The following BRWD3 variants were observed in gnomAD, a reference collection of about 807,000 sequenced individuals.
The protein encoded by BRWD3 is bromodomain and WD repeat domain containing 3, also known as bromodomain and WD repeat-containing protein 3.
BRWD3 carries 10 observed loss-of-function variants against 149.7 expected under a neutral mutation model. That is an observed-to-expected ratio of 0.07 (90% CI 0.04 to 0.11). The LOEUF is 0.11. Ranked by LOEUF, BRWD3 falls within the 10% of genes least tolerant of loss-of-function variation. The pLI, the probability that BRWD3 is intolerant of heterozygous loss-of-function variation, is 1.00. For missense variants in BRWD3, 940 were observed against 1,373.2 expected, an observed-to-expected ratio of 0.68 and a Z score of 4.99; for synonymous variants, 504 against 456.7, an observed-to-expected ratio of 1.10 and a Z score of -1.32.
chrX:80,710,000 G>C, intron 20 of BRWD3: 2 of 1,143,928 alleles, frequency 1.7e-6, no homozygotes, highest in Non-Finnish European at 2.4e-6. Flanking sequence ...AATGGAAGCT[G>C]TTAAACAAGG....
chrX:80,745,805 T>A (rs2073584846), intron 6 of BRWD3, 76 bp from the exon 7 acceptor site: 1 of 962,048 alleles, frequency 1.0e-6, no homozygotes, highest in African/African-American at 1.9e-5. Flanking sequence ...AATATTAAGA[T>A]GAGACAAAAC....
intron 24 of BRWD3, among the ~76,000 whole-genome samples, chrX:80,701,050 C>T (rs28417201): frequency 0.27 from 29,400 of 109,409 alleles, 2,911 homozygotes; most frequent in South Asian, 0.62. Flanking sequence ...TCTACACATT[C>T]CATATAAACA....
intron 17 of BRWD3, among the ~76,000 whole-genome samples, chrX:80,720,796 A>C (rs1369008689): frequency 8.9e-6 from 1 of 111,816 alleles, no homozygotes; most frequent in Non-Finnish European, 1.9e-5. Context: ...TAAGTGCTTT[A>C]TACAGTCATA....
At chrX:80,723,609 C>G (rs2073181595) in intron 16 of BRWD3, 139 bp downstream of exon 16, 1 of 655,435 alleles carries the variant, frequency 1.5e-6, no homozygotes, top group Non-Finnish European at 2.3e-6. Flanking sequence ...AATTGAGAAC[C>G]TTTACTAAGA....
chrX:80,718,777 A>G (rs1229162313), intron 18 of BRWD3, among the ~76,000 whole-genome samples: 1 of 111,869 alleles, frequency 8.9e-6, no homozygotes, highest in African/African-American at 3.2e-5. Flanking sequence ...TTACAAATAT[A>G]TGAAAAGAAA....
chrX:80,738,313 T>G (rs908454897), intron 8 of BRWD3, among the ~76,000 whole-genome samples: 1 of 111,911 alleles, frequency 8.9e-6, no homozygotes, highest in Non-Finnish European at 1.9e-5. Context: ...AGAATTGTTT[T>G]AAATGAGAAA....
intron 20 of BRWD3, among the ~76,000 whole-genome samples, chrX:80,713,505 G>T (rs1204194600): frequency 1.8e-5 from 2 of 109,256 alleles, no homozygotes; most frequent in African/African-American, 6.7e-5. Context: ...TGCTCCTTAA[G>T]AGTCATCACC....
At chrX:80,778,165 A>T (rs780670624) in intron 6 of BRWD3, among the ~76,000 whole-genome samples, 1 of 111,735 alleles carries the variant, frequency 8.9e-6, no homozygotes, top group East Asian at 2.8e-4. Flanking sequence ...CTTGTTACCA[A>T]GTCTTTGGAA....
At chrX:80,770,086 C>A (rs927954052) in intron 6 of BRWD3, among the ~76,000 whole-genome samples, 2 of 111,434 alleles carry the variant, frequency 1.8e-5, no homozygotes, top group Non-Finnish European at 3.8e-5. Flanking sequence ...CACTAACAGG[C>A]TCTAAAATTG....
chrX:80,762,739 A>G (rs771073013), intron 6 of BRWD3, among the ~76,000 whole-genome samples: 1 of 112,206 alleles, frequency 8.9e-6, no homozygotes, highest in South Asian at 3.7e-4. Flanking sequence ...TATTGAAAAA[A>G]GAACAAGTGG....
intron 6 of BRWD3, among the ~76,000 whole-genome samples, chrX:80,756,804 A>G (rs1467028548): frequency 8.9e-6 from 1 of 111,747 alleles, no homozygotes; most frequent in Non-Finnish European, 1.9e-5. Context: ...CCTTTTCTCT[A>G]AAGTAACAGT....
At chrX:80,759,315 T>G (rs1461710693) in intron 6 of BRWD3, among the ~76,000 whole-genome samples, 1 of 112,224 alleles carries the variant, frequency 8.9e-6, no homozygotes, top group Non-Finnish European at 1.9e-5. Flanking sequence ...TTCTAGAATC[T>G]ATTCTTTTTT....
intron 27 of BRWD3, 140 bp downstream of exon 27, chrX:80,695,768 A>T (rs1375748587): frequency 2.0e-6 from 1 of 503,894 alleles, no homozygotes; most frequent in African/African-American, 2.4e-5. Context: ...CTAAAAGGAA[A>T]TTTTAACTTA....
intron 6 of BRWD3, among the ~76,000 whole-genome samples, chrX:80,775,422 T>A (rs1261441525): frequency 8.9e-6 from 1 of 111,915 alleles, no homozygotes. Context: ...CAGAGTATAT[T>A]GAATAAAATT....
At chrX:80,701,293 A>G (rs1357311927) in intron 24 of BRWD3, among the ~76,000 whole-genome samples, 1 of 110,344 alleles carries the variant, frequency 9.1e-6, no homozygotes, top group Non-Finnish European at 1.9e-5. Flanking sequence ...CACACCTGTA[A>G]TCCTAGTACT....
At chrX:80,781,836 A>C (rs1424991858) in intron 6 of BRWD3, among the ~76,000 whole-genome samples, 1 of 111,248 alleles carries the variant, frequency 9.0e-6, no homozygotes, top group Non-Finnish European at 1.9e-5. Flanking sequence ...GAAAACTATA[A>C]AACACTGATG....
intron 4 of BRWD3, among the ~76,000 whole-genome samples, chrX:80,799,097 T>G (rs977505208): frequency 1.8e-5 from 2 of 112,311 alleles, no homozygotes; most frequent in African/African-American, 6.5e-5. Flanking sequence ...AGACATTAAA[T>G]TAACCCTAGA....
chrX:80,759,088 T>C (rs1196378874), intron 6 of BRWD3, among the ~76,000 whole-genome samples: 1 of 112,031 alleles, frequency 8.9e-6, no homozygotes, highest in Non-Finnish European at 1.9e-5. Context: ...GTACAGTGTA[T>C]TATTTTCCTT....
chrX:80,808,687 C>A, intron 3 of BRWD3, 89 bp from the exon 4 acceptor site: 1 of 855,120 alleles, frequency 1.2e-6, no homozygotes. Context: ...CAACCTGTGT[C>A]CCAGTCCTCA....
Sources: allele counts gnomAD v4.1 joint callset (sites outside exome capture counted in the v4.1 genomes callset), GRCh38; gene constraint gnomAD v4.1.1; transcripts MANE v1.5; gene names NCBI Gene and HGNC (gene_info 2026-07-23, HGNC 2026-07-21).